Variants in TSHR observed in about 807,000 individuals in gnomAD.
TSHR encodes the protein thyrotropin receptor.
A neutral mutation model predicts 64.1 loss-of-function variants in TSHR; 51 were observed. That is an observed-to-expected ratio of 0.80 (90% CI 0.64 to 1.01). The LOEUF is 1.01. TSHR is among the 50% of genes least tolerant of loss of function. TSHR has a pLI of 0.00. For missense variants in TSHR, 877 were observed against 942.8 expected (o/e 0.93, Z 0.91); for synonymous variants, 361 against 361.9 (o/e 1.00, Z 0.03).
chr14:81,001,935 C>G (rs999855356), intron 1 of TSHR: 9 of 194,280 alleles, frequency 4.6e-5, no homozygotes, highest in African/African-American at 7.0e-5. Flanking sequence ...TTTTCTTCCT[C>G]CCCTTCTAAG....
At chr14:81,064,133 T>C (rs1310978506) in intron 2 of TSHR, among the ~76,000 whole-genome samples, 2 of 152,086 alleles carry the variant, frequency 1.3e-5, no homozygotes, top group East Asian at 3.9e-4. Context: ...TGAGAAACAT[T>C]CCCTTGGCTA....
intron 1 of TSHR, chr14:81,053,904 CATT>C (rs1412902809): frequency 6.6e-6 from 1 of 152,136 alleles, no homozygotes; most frequent in African/African-American, 2.4e-5. Flanking sequence ...GTCTCAGAAA[CATT>C]ATGTTGAATA....
At chr14:81,076,649 C>T (rs1209195688) in intron 3 of TSHR, among the ~76,000 whole-genome samples, 5 of 152,168 alleles carry the variant, frequency 3.3e-5, no homozygotes, top group Admixed American at 6.5e-5. Flanking sequence ...CCCACTTCTA[C>T]TCCTTCACCA....
intron 1 of TSHR, chr14:80,982,250 TC>T: frequency 1.5e-6 from 1 of 671,870 alleles, no homozygotes; most frequent in East Asian, 3.2e-5. Flanking sequence ...ACTGGAGATT[TC>T]AGTCCCGAGG....
At chr14:81,096,279 C>T (rs10146203) in intron 6 of TSHR, among the ~76,000 whole-genome samples, 39,033 of 152,092 alleles carry the variant, frequency 0.26, 7,479 homozygotes, top group African/African-American at 0.54. Flanking sequence ...GAGACTGCAG[C>T]TGCTCCTCCA....
In TSHR at chr14:81,139,884, C is replaced by T. The variant is rs369687579; in HGVS notation, c.881+17C>T. 2.5e-5 allele frequency: 41 copies of T among 1,613,922 alleles called. No individual in the cohort carries two copies. The highest frequency in any genetic ancestry group is 1.6e-4 in the East Asian group (7 of 44,882). ...AATCAGAGGGTAAGTGGCAGGGACC[C>T]GGCATAAGTGACAAAAGACCTTGGT... On this transcript the variant is annotated intron_variant, in intron 9 of 9. Coordinates refer to ENST00000298171, the MANE Select transcript of TSHR (RefSeq NM_000369.5).
chr14:81,124,806 T>A (rs1890950254), intron 8 of TSHR, among the ~76,000 whole-genome samples: 1 of 152,206 alleles, frequency 6.6e-6, no homozygotes, highest in Non-Finnish European at 1.5e-5. Flanking sequence ...TTTTATGCAC[T>A]TGTCAGCTAT....
intron 1 of TSHR, among the ~76,000 whole-genome samples, chr14:81,041,002 G>C (rs562965164): frequency 6.6e-6 from 1 of 152,168 alleles, no homozygotes; most frequent in East Asian, 1.9e-4. Flanking sequence ...TTATTAAAAA[G>C]TAAAAAAATA....
At position 81,144,063 on chromosome 14, in the gene TSHR, C is replaced by T. The variant is rs754300767; in HGVS notation, c.2005C>T (p.Leu669Phe). The T allele has an allele frequency of 1.9e-6, 3 of 1,614,202 alleles. No individual in the cohort carries two copies. Among genetic ancestry groups the T allele is most frequent in the South Asian group, 2.2e-5 (2 of 91,088 alleles). ...SKILLVLFYP[L>F]NSCANPFLYA... Reference sequence around the variant, plus strand: ...AATCTTGCTGGTACTCTTCTATCCACTTAACTCCTGTGCCAATCCATTCCT... The same window carrying T: ...AATCTTGCTGGTACTCTTCTATCCATTTAACTCCTGTGCCAATCCATTCCT... Residue 669 changes from leucine (L) to phenylalanine (F), a missense_variant, in exon 10 of 10, where the codon CTT becomes TTT. Leu to Phe is a conservative substitution (Grantham distance 22). Transcript: ENST00000298171.
chr14:80,972,585 C>T (rs954790878), intron 1 of TSHR, among the ~76,000 whole-genome samples: 1 of 152,128 alleles, frequency 6.6e-6, no homozygotes, highest in Non-Finnish European at 1.5e-5. Context: ...CCTCTCCCTC[C>T]CCTCCTCCTC....
chr14:81,039,342 A>T (rs1338876265), intron 1 of TSHR, among the ~76,000 whole-genome samples: 1 of 152,064 alleles, frequency 6.6e-6, no homozygotes, highest in East Asian at 1.9e-4. Flanking sequence ...ACATACCTTA[A>T]CATGATAAAG....
chr14:81,032,816 T>G (rs1180380719), intron 1 of TSHR: 7 of 388,600 alleles, frequency 1.8e-5, no homozygotes, highest in Non-Finnish European at 3.5e-5. Context: ...TAGAGGCTGT[T>G]AAGATGCTAA....
intron 1 of TSHR, among the ~76,000 whole-genome samples, chr14:80,990,630 G>A (rs180701475): frequency 4.0e-4 from 61 of 152,098 alleles, no homozygotes; most frequent in African/African-American, 1.4e-3. Flanking sequence ...AACTGGTGAT[G>A]GCTTTCTTTA....
At chr14:80,992,156 C>G (rs1566752550) in intron 1 of TSHR, 1 of 152,098 alleles carries the variant, frequency 6.6e-6, no homozygotes, top group South Asian at 2.1e-4. Context: ...AATCCCAGCA[C>G]TTTGGGAGGC....
chr14:80,982,362 T>C (rs1264241047), intron 1 of TSHR: 2 of 1,246,374 alleles, frequency 1.6e-6, no homozygotes, highest in South Asian at 1.5e-5. Context: ...GGTTCTGAAA[T>C]GGAGAAGAGG....
chr14:81,121,743 G>A (rs72627194), intron 8 of TSHR, among the ~76,000 whole-genome samples: 10,385 of 151,946 alleles, frequency 0.068, 919 homozygotes, highest in East Asian at 0.23. Flanking sequence ...GGAGTTTGAG[G>A]TCGGCTTAGC....
intron 1 of TSHR, among the ~76,000 whole-genome samples, chr14:80,961,910 A>C (rs76339876): frequency 0.04 from 6,085 of 152,340 alleles, 159 homozygotes; most frequent in Non-Finnish European, 0.064. Context: ...ATTTTAAAGT[A>C]CTTGAATGCT....
At chr14:81,138,351 C>T (rs574321957) in intron 8 of TSHR, among the ~76,000 whole-genome samples, 18 of 151,866 alleles carry the variant, frequency 1.2e-4, no homozygotes, top group African/African-American at 4.3e-4. Flanking sequence ...CCACCATACC[C>T]GGCTAATTTT....
intron 7 of TSHR, chr14:81,099,635 C>T (rs904312984): frequency 3.3e-5 from 5 of 152,166 alleles, no homozygotes; most frequent in South Asian, 2.1e-4. Context: ...TGTTAGTCCA[C>T]GAGAACCTGA....
Sources: gnomAD v4.1 joint callset for allele counts (sites outside exome capture counted in the v4.1 genomes callset) on GRCh38, gnomAD v4.1.1 for gene constraint, MANE v1.5 for transcripts, NCBI Gene and HGNC (gene_info 2026-07-23, HGNC 2026-07-21) for gene names.